Variants in RAB3GAP2 observed in about 807,000 individuals in gnomAD.
The protein encoded by RAB3GAP2 is RAB3 GTPase activating non-catalytic protein subunit 2, also known as rab3 GTPase-activating protein non-catalytic subunit.
RAB3GAP2 carries 87 observed loss-of-function variants against 185.3 expected under a neutral mutation model. The observed-to-expected ratio is 0.47, with a 90% CI of 0.39 to 0.56. The LOEUF is 0.56. Ranked by LOEUF, RAB3GAP2 falls within the 20% of genes least tolerant of loss-of-function variation. The pLI, the probability that RAB3GAP2 is intolerant of heterozygous loss-of-function variation, is 0.00. For synonymous variants in RAB3GAP2, 554 were observed against 576.1 expected (o/e 0.96, Z 0.55); for missense variants, 1,492 against 1,638.2 (o/e 0.91, Z 1.54).
At chr1:220,171,361 A>G (rs1658175214) in intron 23 of RAB3GAP2, among the ~76,000 whole-genome samples, 1 of 152,130 alleles carries the variant, frequency 6.6e-6, no homozygotes, top group African/African-American at 2.4e-5. Context: ...AATGGCCCTG[A>G]CTCAACCAGT....
chr1:220,251,743 T>A (rs1240550894), intron 1 of RAB3GAP2, among the ~76,000 whole-genome samples: 1 of 152,230 alleles, frequency 6.6e-6, no homozygotes, highest in African/African-American at 2.4e-5. Context: ...GGATGCTTAG[T>A]GGAGCACTGT....
intron 1 of RAB3GAP2, among the ~76,000 whole-genome samples, chr1:220,245,424 C>T (rs543269284): frequency 3.5e-4 from 54 of 152,194 alleles, no homozygotes; most frequent in Non-Finnish European, 6.2e-4. Context: ...CCTGGAAAAT[C>T]GGGTCACTCC....
chr1:220,220,392 C>A (rs1317367540), intron 2 of RAB3GAP2: 1 of 152,534 alleles, frequency 6.6e-6, no homozygotes, highest in Non-Finnish European at 1.5e-5. Context: ...ATGAAAAAGT[C>A]CAGGCTCTCA....
chr1:220,172,880 A>G (rs1658205791), intron 21 of RAB3GAP2, 138 bp from the exon 22 acceptor site: 1 of 667,142 alleles, frequency 1.5e-6, no homozygotes, highest in Non-Finnish European at 2.7e-6. Context: ...TGCTTGCTGT[A>G]TCATGTAATC....
In RAB3GAP2 at chr1:220,254,676, A is replaced by C. The variant is rs987698419; in HGVS notation, c.115+17547T>G. 2.1e-5 allele frequency: 16 copies of C among 763,708 alleles called. No individual in the cohort carries two copies. In the Admixed American group the frequency reaches 3.2e-4, roughly 15 times the overall value. 47.3% of individuals were successfully genotyped at this position (763,708 alleles called of 1,614,324 possible). A position where few individuals can be genotyped will look rare whatever the true frequency, so the allele number is the denominator to read the frequency against. On this transcript the variant is annotated intron_variant, in intron 1 of 34. Transcript: ENST00000358951. ...GTTTGTTTTCTGTTTGATTTTAAACAGAGAAAATAAAAGGGGTAATAGCTC... is the reference window on the plus strand; with the variant it reads ...GTTTGTTTTCTGTTTGATTTTAAACCGAGAAAATAAAAGGGGTAATAGCTC...
chr1:220,243,941 T>C (rs1049647631), intron 1 of RAB3GAP2, among the ~76,000 whole-genome samples: 21 of 152,102 alleles, frequency 1.4e-4, no homozygotes, highest in Admixed American at 1.3e-3. Flanking sequence ...AAGCCATATA[T>C]GACAAACCCA....
chr1:220,183,619 C>T (rs904224689), intron 19 of RAB3GAP2, among the ~76,000 whole-genome samples: 48 of 152,124 alleles, frequency 3.2e-4, no homozygotes, highest in East Asian at 1.7e-3. Flanking sequence ...GGGTGTCAAA[C>T]GCAACTCTTA....
At chr1:220,247,953 A>G (rs923201813) in intron 1 of RAB3GAP2, among the ~76,000 whole-genome samples, 1 of 152,110 alleles carries the variant, frequency 6.6e-6, no homozygotes, top group African/African-American at 2.4e-5. Flanking sequence ...ACTTTGAAAA[A>G]TTAGACTTGA....
chr1:220,214,419 G>A (rs1004037809), intron 2 of RAB3GAP2, among the ~76,000 whole-genome samples: 9 of 151,920 alleles, frequency 5.9e-5, no homozygotes, highest in African/African-American at 1.5e-4. Context: ...CCAGCTACTC[G>A]GGAGGCTGAG....
chr1:220,202,497 G>A, intron 8 of RAB3GAP2, 123 bp from the exon 9 acceptor site: 1 of 984,472 alleles, frequency 1.0e-6, no homozygotes, highest in Non-Finnish European at 1.5e-6. Flanking sequence ...ACAAAGTAAT[G>A]AAAACAAGGC....
chr1:220,171,880 C>T lies in RAB3GAP2; in HGVS notation c.2577+9G>A, dbSNP rs749041409. On this transcript the variant is annotated intron_variant, in intron 23 of 34. Coordinates refer to ENST00000358951, the MANE Select transcript of RAB3GAP2 (RefSeq NM_012414.4). Reference sequence around the variant, plus strand: ...TGTACAGATCAAAGCCATACCTTTACCCACTTACTTTTTTCTCTGTCATGT... The same window carrying T: ...TGTACAGATCAAAGCCATACCTTTATCCACTTACTTTTTTCTCTGTCATGT... 24 of 1,613,920 alleles carry T rather than the reference C, an allele frequency of 1.5e-5. 1 individual carries two copies. Among genetic ancestry groups the T allele is most frequent in the Non-Finnish European group, 1.9e-5 (23 of 1,180,000 alleles).
chr1:220,267,423 A>T (rs983139369), intron 1 of RAB3GAP2: 4 of 1,346,678 alleles, frequency 3.0e-6, no homozygotes, highest in Non-Finnish European at 4.3e-6. Flanking sequence ...GCTGAGCTTT[A>T]AATAACACCC....
chr1:220,244,610 C>CA (rs1207710571), intron 1 of RAB3GAP2, among the ~76,000 whole-genome samples: 1 of 152,020 alleles, frequency 6.6e-6, no homozygotes, highest in African/African-American at 2.4e-5. Flanking sequence ...CAAGACTAAG[C>CA]AAAAAGAACA....
At chr1:220,270,360 G>A (rs150680731) in intron 1 of RAB3GAP2, among the ~76,000 whole-genome samples, 2 of 152,182 alleles carry the variant, frequency 1.3e-5, no homozygotes, top group Non-Finnish European at 2.9e-5. Flanking sequence ...ACTTTTTGCT[G>A]TTAGCTCCCC....
rs1657750680 is a variant in RAB3GAP2, at chr1:220,151,385, T to C, written c.4048A>G (p.Thr1350Ala). The C allele has an allele frequency of 6.2e-7, 1 of 1,614,222 alleles. No individual in the cohort carries two copies. The highest frequency in any genetic ancestry group is 2.2e-5 in the East Asian group (1 of 44,880). Residue 1350 changes from threonine to alanine, a missense_variant, in exon 35 of 35, where the codon ACT (threonine) becomes GCT (alanine). Transcript: ENST00000358951. ...KAMDPQDLQNTEVPIATTAKL... is the reference protein window; with the variant it reads ...KAMDPQDLQNAEVPIATTAKL... ...GCTGTTGTTGCAATTGGCACTTCAG[T>C]GTTTTGAAGGTCCTGGGGGTCCTGC... is the stretch of plus-strand genomic sequence containing the variant.
At chr1:220,245,198 C>T (rs1218951837) in intron 1 of RAB3GAP2, among the ~76,000 whole-genome samples, 1 of 152,184 alleles carries the variant, frequency 6.6e-6, no homozygotes, top group African/African-American at 2.4e-5. Flanking sequence ...CTCCGGTCTA[C>T]AGCTCCCAGC....
chr1:220,157,154 C>A, intron 31 of RAB3GAP2, 116 bp downstream of exon 31: 1 of 910,308 alleles, frequency 1.1e-6, no homozygotes, highest in East Asian at 2.6e-5. Context: ...GTTGGAACCT[C>A]ACACCAAATT....
At chr1:220,152,758 T>C (rs1558137051) in intron 33 of RAB3GAP2, among the ~76,000 whole-genome samples, 1 of 152,220 alleles carries the variant, frequency 6.6e-6, no homozygotes, top group Non-Finnish European at 1.5e-5. Flanking sequence ...GGTCTCGCTA[T>C]ATTGCCCAGA....
rs143243612 is a variant in RAB3GAP2, at chr1:220,236,469, C to T, written c.116-3606G>A. ...GGGATTATAGGCATGAGACACTGCG[C>T]TCCGCCCCTTGTGGCTATTTCTACT... On this transcript the variant is annotated intron_variant, in intron 1 of 34. Transcript: ENST00000358951. Among the ~76,000 whole-genome samples the T allele has an allele frequency of 4.5e-3, 690 of 152,260 alleles. 4 individuals are homozygous for T. The highest frequency in any genetic ancestry group is 0.016 in the African/African-American group (658 of 41,552).
Sources: allele counts gnomAD v4.1 joint callset (sites outside exome capture counted in the v4.1 genomes callset), GRCh38; gene constraint gnomAD v4.1.1; transcripts MANE v1.5; gene names NCBI Gene and HGNC (gene_info 2026-07-23, HGNC 2026-07-21).